TGFBRAP1: variants seen among roughly 807,000 people sequenced by gnomAD.
The protein encoded by TGFBRAP1 is transforming growth factor-beta receptor-associated protein 1.
Under a neutral mutation model 83.2 loss-of-function variants are expected in TGFBRAP1, and 20 were observed. That is an observed-to-expected ratio of 0.24 (90% confidence interval 0.17 to 0.35). The LOEUF (loss-of-function observed/expected upper bound fraction) is 0.35. TGFBRAP1 is among the 10% of genes least tolerant of loss of function. TGFBRAP1 has a pLI of 1.00. For synonymous variants in TGFBRAP1, 415 were observed against 459.8 expected (o/e 0.90, Z 1.25); for missense variants, 950 against 1,099.4 (o/e 0.86, Z 1.92).
chr2:105,258,681 C>G, the TGFBRAP1 span, among the ~76,000 whole-genome samples: 1 of 151,638 alleles, frequency 6.6e-6, no homozygotes, highest in African/African-American at 2.4e-5. Context: ...GAACCAATTC[C>G]TCACAATAAA....
intron 2 of TGFBRAP1, among the ~76,000 whole-genome samples, chr2:105,301,479 AG>A (rs1377767144): frequency 6.6e-6 from 1 of 151,666 alleles, no homozygotes; most frequent in Non-Finnish European, 1.5e-5. Flanking sequence ...CCCAGCTACT[AG>A]GGAGGGTAAG....
chr2:105,277,577 T>C, intron 7 of TGFBRAP1, 37 bp downstream of exon 7: 1 of 1,608,878 alleles, frequency 6.2e-7, no homozygotes, highest in Non-Finnish European at 8.5e-7. Context: ...TACATGGTGC[T>C]GATTTTTAAA....
rs924323443 is a variant in TGFBRAP1 at position 105,265,987 on chromosome 2, C to T, written c.*1396G>A. 3 of 152,370 alleles carry T rather than the reference C, an allele frequency of 2.0e-5. No individual in the cohort carries two copies. Among genetic ancestry groups the T allele is most frequent in the East Asian group, 1.9e-4 (1 of 5,192 alleles). 9.4% of individuals were successfully genotyped at this position (152,370 alleles called of 1,614,324 possible). ...CTCTCTTGTCATATGTACAAGCTGA[C>T]GCTTGTTTCCCAAGCATGATAGTAG... On this transcript the variant is annotated 3_prime_UTR_variant, in exon 12 of 12. Transcript: ENST00000393359.
intron 4 of TGFBRAP1, among the ~76,000 whole-genome samples, chr2:105,289,215 G>A (rs976462489): frequency 6.6e-6 from 1 of 152,042 alleles, no homozygotes. Context: ...AAGTGGGGGG[G>A]TGCCAAACTC....
At chr2:105,303,209 T>C (rs1467524187) in intron 2 of TGFBRAP1, among the ~76,000 whole-genome samples, 1 of 152,232 alleles carries the variant, frequency 6.6e-6, no homozygotes, top group Non-Finnish European at 1.5e-5. Context: ...GCGAGAGGCT[T>C]GCTTGAGCCC....
Position 105,269,604 on chromosome 2 carries a change from C to G in TGFBRAP1, c.2074G>C (p.Asp692His). The G allele has an allele frequency of 6.2e-7, 1 of 1,608,992 alleles. No individual in the cohort carries two copies. The highest frequency in any genetic ancestry group is 8.5e-7 in the Non-Finnish European group (1 of 1,176,934). Reference sequence around the variant, plus strand: ...CAGTAGTCCTCGGCCGCTGCAAAGTCCTGCAGCTCGTGCACCAGGATATGC... The same window carrying G: ...CAGTAGTCCTCGGCCGCTGCAAAGTGCTGCAGCTCGTGCACCAGGATATGC... ...ALHILVHELQ[D>H]FAAAEDYCLW... is the part of the protein sequence containing the mutation. The change falls in exon 11 of 12, where the codon GAC becomes CAC. Residue 692 changes from aspartate to histidine, a missense_variant. By Grantham distance (81) the Asp-to-His change is moderately conservative (BLOSUM62 -1). Coordinates refer to ENST00000393359, the MANE Select transcript of TGFBRAP1 (RefSeq NM_004257.6). This position sits in a 1 kb window ranked among gnomAD's most constrained non-coding sequence, Gnocchi z 4.1.
intron 7 of TGFBRAP1, among the ~76,000 whole-genome samples, chr2:105,276,494 C>T (rs571063129): frequency 8.2e-4 from 125 of 152,322 alleles, no homozygotes; most frequent in African/African-American, 3.0e-3. Flanking sequence ...AGCATACGAA[C>T]ATTTTTTATG....
intron 2 of TGFBRAP1, among the ~76,000 whole-genome samples, chr2:105,301,958 C>T (rs1678308932): frequency 7.4e-6 from 1 of 134,680 alleles, no homozygotes; most frequent in Non-Finnish European, 1.5e-5. Flanking sequence ...GAAACAAATA[C>T]CTGAAACTTA....
intron 2 of TGFBRAP1, among the ~76,000 whole-genome samples, chr2:105,306,041 T>G (rs1678482886): frequency 6.7e-6 from 1 of 149,832 alleles, no homozygotes; most frequent in Non-Finnish European, 1.5e-5. Flanking sequence ...CTTACGGAGT[T>G]TTCTGGTTTT....
chr2:105,319,700 A>G (rs1558656340), intron 1 of TGFBRAP1, among the ~76,000 whole-genome samples: 1 of 149,844 alleles, frequency 6.7e-6, no homozygotes, highest in East Asian at 2.0e-4. Flanking sequence ...CAAAAAAAAA[A>G]AAAAGGAAAG....
At chr2:105,271,354 A>G (rs931212777) in intron 10 of TGFBRAP1, among the ~76,000 whole-genome samples, 1 of 152,240 alleles carries the variant, frequency 6.6e-6, no homozygotes, top group African/African-American at 2.4e-5. Flanking sequence ...GGAGATTTGT[A>G]AAGCAAAAAG....
intron 1 of TGFBRAP1, among the ~76,000 whole-genome samples, chr2:105,316,946 C>T (rs1211227499): frequency 1.3e-5 from 2 of 152,100 alleles, no homozygotes; most frequent in Non-Finnish European, 2.9e-5. Flanking sequence ...GTTGGACTAG[C>T]ACGAGGACAG....
chr2:105,314,628 G>A (rs181192945), intron 1 of TGFBRAP1, among the ~76,000 whole-genome samples: 1 of 152,086 alleles, frequency 6.6e-6, no homozygotes, highest in East Asian at 1.9e-4. Context: ...GTCTTTGCCA[G>A]TACCATAAAA....
intron 8 of TGFBRAP1, among the ~76,000 whole-genome samples, chr2:105,274,029 A>T (rs1320328787): frequency 1.3e-5 from 2 of 152,254 alleles, no homozygotes; most frequent in Non-Finnish European, 2.9e-5. Flanking sequence ...AGATTTTGAC[A>T]ACCTATAATA....
the TGFBRAP1 span, among the ~76,000 whole-genome samples, chr2:105,250,568 TCCTCTCCCTCTCC>T: frequency 1.1e-5 from 1 of 91,388 alleles, no homozygotes; most frequent in African/African-American, 6.2e-5. Flanking sequence ...GAAAGGCTCC[TCCTCTCCCTCTCC>T]CTCCTCTCCC....
At chr2:105,316,462 T>TGTGTGTGTGTGCGCGCGCGC (rs1177329674) in intron 1 of TGFBRAP1, among the ~76,000 whole-genome samples, 11 of 84,814 alleles carry the variant, frequency 1.3e-4, no homozygotes, top group African/African-American at 5.4e-4. Flanking sequence ...TGTGTGTGTG[T>TGTGTGTGTGTGCGCGCGCGC]GCGCGCGCGC....
the TGFBRAP1 span, among the ~76,000 whole-genome samples, chr2:105,259,241 G>A: frequency 6.6e-6 from 1 of 152,178 alleles, no homozygotes; most frequent in African/African-American, 2.4e-5. Context: ...CCTGACCAAG[G>A]AAACAGGCTG....
At chr2:105,312,519 T>G (rs1347753878) in intron 1 of TGFBRAP1, among the ~76,000 whole-genome samples, 1 of 152,140 alleles carries the variant, frequency 6.6e-6, no homozygotes, top group African/African-American at 2.4e-5. Flanking sequence ...ACTAAACAAT[T>G]ACAAGACACA....
intron 6 of TGFBRAP1, among the ~76,000 whole-genome samples, chr2:105,278,945 C>T (rs1301180171): frequency 6.6e-6 from 1 of 151,958 alleles, no homozygotes; most frequent in African/African-American, 2.4e-5. Context: ...AGGCCAATAC[C>T]CACGTGGAAG....
Sources: allele counts gnomAD v4.1 joint callset (sites outside exome capture counted in the v4.1 genomes callset), GRCh38; gene constraint gnomAD v4.1.1; non-coding constraint Gnocchi (gnomAD v3.1); transcripts MANE v1.5; gene names NCBI Gene and HGNC (gene_info 2026-07-23, HGNC 2026-07-21).